PPFIBP1: variants seen among roughly 807,000 people sequenced by gnomAD.
PPFIBP1 encodes the protein liprin-beta-1.
PPFIBP1 carries 112 observed loss-of-function variants against 137.8 expected under a neutral mutation model. The observed-to-expected ratio is 0.81, with a 90% confidence interval of 0.70 to 0.95. PPFIBP1 has a LOEUF of 0.95. Among genes scored for constraint, PPFIBP1 ranks in the 40% least tolerant of loss-of-function variants. The pLI is 0.00. For missense variants in PPFIBP1, 1,083 were observed against 1,196.6 expected, an observed-to-expected ratio of 0.91 and a Z score of 1.40; for synonymous variants, 378 against 417.3, an observed-to-expected ratio of 0.91 and a Z score of 1.15.
intron 6 of PPFIBP1, among the ~76,000 whole-genome samples, chr12:27,649,520 G>A (rs568211007): frequency 1.2e-4 from 19 of 152,052 alleles, no homozygotes; most frequent in Non-Finnish European, 2.4e-4. Flanking sequence ...GTTCAAAGGA[G>A]GGTAACTAAA....
chr12:27,635,797 C>T (rs1364273344), intron 4 of PPFIBP1: 1 of 152,172 alleles, frequency 6.6e-6, no homozygotes. Context: ...AGGCATCCTT[C>T]TCAAAAATTG....
intron 4 of PPFIBP1, among the ~76,000 whole-genome samples, chr12:27,642,798 A>G (rs1431542193): frequency 6.6e-6 from 1 of 152,114 alleles, no homozygotes; most frequent in Non-Finnish European, 1.5e-5. Flanking sequence ...ATGGAAAATG[A>G]TAAGTAGAAG....
Position 27,658,716 on chromosome 12 carries a change from G to A in PPFIBP1, c.812-100G>A, listed in dbSNP as rs10771354. The A allele has an allele frequency of 1.1e-5, 14 of 1,324,978 alleles. No individual in the cohort carries two copies. The African/African-American group carries it at 1.7e-4, about 16-fold the overall frequency. 82.1% of individuals were successfully genotyped at this position (1,324,978 alleles called of 1,614,324 possible). The stretch of plus-strand genomic sequence containing the variant: ...AAAGTTTTTATGAGGTTAGATTTCC[G>A]TTATTTTAGGTAAAAAGAGACTAAA... On this transcript the variant is annotated intron_variant, in intron 9 of 29. Coordinates refer to ENST00000228425, the MANE Select transcript of PPFIBP1 (RefSeq NM_003622.4).
intron 10 of PPFIBP1, among the ~76,000 whole-genome samples, chr12:27,659,367 T>C (rs2059403001): frequency 6.6e-6 from 1 of 152,166 alleles, no homozygotes; most frequent in Non-Finnish European, 1.5e-5. Flanking sequence ...AGGTAAATCC[T>C]GCCAGGCATG....
chr12:27,526,302 G>A (rs1413306121), intron 1 of PPFIBP1, among the ~76,000 whole-genome samples: 1 of 152,188 alleles, frequency 6.6e-6, no homozygotes, highest in Non-Finnish European at 1.5e-5. Flanking sequence ...ACTAGTCCTA[G>A]TTTAGGGACT....
chr12:27,555,493 G>A (rs891409953), intron 1 of PPFIBP1, among the ~76,000 whole-genome samples: 1 of 152,172 alleles, frequency 6.6e-6, no homozygotes, highest in Non-Finnish European at 1.5e-5. Flanking sequence ...TGCAAAAAAG[G>A]TTGCTACAGT....
chr12:27,535,824 T>C (rs1337638876), intron 1 of PPFIBP1, among the ~76,000 whole-genome samples: 2 of 152,226 alleles, frequency 1.3e-5, no homozygotes, highest in Non-Finnish European at 2.9e-5. Flanking sequence ...CTACTTTTAT[T>C]TCACTTCTTG....
intron 1 of PPFIBP1, among the ~76,000 whole-genome samples, chr12:27,554,420 T>C (rs7966993): frequency 0.8 from 122,467 of 152,258 alleles, 49,505 homozygotes; most frequent in East Asian, 0.96. Context: ...TTATCAGTGA[T>C]TGGGAGTTGC....
chr12:27,662,802 A>G (rs2059629605), intron 11 of PPFIBP1, among the ~76,000 whole-genome samples: 1 of 152,266 alleles, frequency 6.6e-6, no homozygotes, highest in African/African-American at 2.4e-5. Flanking sequence ...TTTTAAGATT[A>G]ATGTAGAACT....
chr12:27,527,567 G>A (rs781335184), intron 1 of PPFIBP1, among the ~76,000 whole-genome samples: 1 of 152,050 alleles, frequency 6.6e-6, no homozygotes, highest in African/African-American at 2.4e-5. Flanking sequence ...ATGTTATTAC[G>A]TGTCTCTGGC....
chr12:27,528,988 T>C (rs1463415068), intron 1 of PPFIBP1, among the ~76,000 whole-genome samples: 1 of 152,244 alleles, frequency 6.6e-6, no homozygotes, highest in East Asian at 1.9e-4. Flanking sequence ...TCCTTGTTTT[T>C]GTTGGCAAGT....
At chr12:27,611,560 A>G (rs529185023) in intron 2 of PPFIBP1, among the ~76,000 whole-genome samples, 8 of 152,352 alleles carry the variant, frequency 5.3e-5, no homozygotes, top group African/African-American at 1.4e-4. Context: ...TTGAAAGGAC[A>G]TAATTAAACA....
chr12:27,569,294 A>G (rs368095869), intron 1 of PPFIBP1, among the ~76,000 whole-genome samples: 1 of 136,072 alleles, frequency 7.3e-6, no homozygotes, highest in South Asian at 2.4e-4. Flanking sequence ...AATAATACAC[A>G]CATTATTGCA....
intron 1 of PPFIBP1, among the ~76,000 whole-genome samples, chr12:27,537,401 G>T (rs1359498565): frequency 6.6e-6 from 1 of 152,128 alleles, no homozygotes; most frequent in Non-Finnish European, 1.5e-5. Flanking sequence ...AAAGTGCTGG[G>T]ATTACAGACG....
chr12:27,601,604 A>T (rs575257894), intron 2 of PPFIBP1, among the ~76,000 whole-genome samples: 5 of 152,296 alleles, frequency 3.3e-5, no homozygotes, highest in African/African-American at 1.2e-4. Context: ...AAGTTGTGCA[A>T]TTCAGAGGAC....
chr12:27,664,939 G>A (rs1192276476), intron 12 of PPFIBP1, among the ~76,000 whole-genome samples: 2 of 152,196 alleles, frequency 1.3e-5, no homozygotes, highest in East Asian at 3.9e-4. Flanking sequence ...TGTAATCCCA[G>A]CACTTTGGGA....
intron 13 of PPFIBP1, 70 bp from the exon 14 acceptor site, chr12:27,671,361 T>A: frequency 2.4e-6 from 2 of 844,470 alleles, no homozygotes; most frequent in Non-Finnish European, 3.7e-6. Context: ...TTTCTTATGT[T>A]TATTTAAATT....
intron 2 of PPFIBP1, among the ~76,000 whole-genome samples, chr12:27,597,303 G>A (rs1181518168): frequency 2.0e-5 from 3 of 152,174 alleles, no homozygotes; most frequent in South Asian, 2.1e-4. Flanking sequence ...GAGTAGCTGG[G>A]ATTACAGGCG....
chr12:27,594,124 G>C (rs544124894), intron 2 of PPFIBP1: 55 of 767,840 alleles, frequency 7.2e-5, no homozygotes, highest in Non-Finnish European at 7.3e-6. Context: ...TGGGACCGGG[G>C]AGAAGAGAAT....
Sources: gnomAD v4.1 joint callset for allele counts (sites outside exome capture counted in the v4.1 genomes callset) on GRCh38, gnomAD v4.1.1 for gene constraint, MANE v1.5 for transcripts, NCBI Gene and HGNC (gene_info 2026-07-23, HGNC 2026-07-21) for gene names.